The following ICE2 variants were observed in gnomAD, a reference collection of about 807,000 sequenced individuals.
ICE2 encodes little elongation complex subunit 2.
In ICE2, 87 loss-of-function variants were observed where a neutral mutation model predicts 105.4. That is an observed-to-expected ratio of 0.83 (90% CI 0.69 to 0.99). ICE2 has a LOEUF of 0.99. Ranked by LOEUF, ICE2 falls within the 50% of genes least tolerant of loss-of-function variation. The pLI is 0.00. For missense variants in ICE2, 1,323 were observed against 1,146.7 expected (o/e 1.15, Z -2.22); for synonymous variants, 399 against 392.0 (o/e 1.02, Z -0.21).
intron 6 of ICE2, 69 bp downstream of exon 6, chr15:60,456,580 TATATACAC>T (rs1168731477): frequency 1.7e-5 from 2 of 118,912 alleles, no homozygotes; most frequent in Non-Finnish European, 3.3e-5. Flanking sequence ...TATATATATA[TATATACAC>T]ACACACACAC....
chr15:60,443,737 A>C (rs2063767231), intron 11 of ICE2, among the ~76,000 whole-genome samples: 1 of 152,190 alleles, frequency 6.6e-6, no homozygotes, highest in Non-Finnish European at 1.5e-5. Context: ...TAATTTTGCA[A>C]ATGGTTATCT....
At chr15:60,452,786 C>T (rs1004324772) in intron 9 of ICE2, 3 of 847,134 alleles carry the variant, frequency 3.5e-6, no homozygotes, top group Non-Finnish European at 1.4e-6. Flanking sequence ...ATCATGATGC[C>T]CATTTTACAG....
At chr15:60,466,780 T>A (rs2064443801) in intron 4 of ICE2, 67 bp from the exon 5 acceptor site, 5 of 1,280,584 alleles carry the variant, frequency 3.9e-6, no homozygotes, top group Non-Finnish European at 5.5e-6. Context: ...ACATTCTTAA[T>A]CATTGCTATA....
At position 60,423,486 on chromosome 15, in the gene ICE2, C is replaced by T; in HGVS notation, c.*148G>A. On this transcript the variant is annotated 3_prime_UTR_variant, in exon 16 of 16. Transcript: ENST00000261520. Reference sequence around the variant, plus strand: ...CCATTCCATTTTAGTTGAAATATTCCTTCACATAGCCAACACATTTTTTCA... The same window carrying T: ...CCATTCCATTTTAGTTGAAATATTCTTTCACATAGCCAACACATTTTTTCA... The T allele has an allele frequency of 1.7e-6, 1 of 602,040 alleles. No homozygotes were observed. 37.3% of individuals were successfully genotyped at this position (602,040 alleles called of 1,614,324 possible). A position where few individuals can be genotyped will look rare whatever the true frequency, so the allele number is the denominator to read the frequency against.
chr15:60,454,727 G>A, intron 8 of ICE2: 1 of 299,276 alleles, frequency 3.3e-6, no homozygotes. Flanking sequence ...GGGGATACAT[G>A]TGGAGAATGG....
intron 4 of ICE2, 90 bp downstream of exon 4, chr15:60,467,971 C>A (rs116704803): frequency 8.4e-6 from 10 of 1,183,870 alleles, no homozygotes; most frequent in Non-Finnish European, 1.1e-5. Context: ...AAAAAAATGA[C>A]GGGACCTAAA....
At chr15:60,440,285 C>T (rs1323993280) in intron 12 of ICE2, 2 of 152,152 alleles carry the variant, frequency 1.3e-5, no homozygotes, top group Non-Finnish European at 2.9e-5. Context: ...AAAACTTGTG[C>T]TTATTGAAAC....
chr15:60,461,110 G>C (rs577781568), intron 5 of ICE2, among the ~76,000 whole-genome samples: 1 of 151,970 alleles, frequency 6.6e-6, no homozygotes, highest in South Asian at 2.1e-4. Context: ...GGGTGGGGTG[G>C]GGGGGCGAGT....
At chr15:60,431,319 AAATT>A (rs906450002) in intron 14 of ICE2, among the ~76,000 whole-genome samples, 7 of 152,196 alleles carry the variant, frequency 4.6e-5, no homozygotes, top group African/African-American at 1.7e-4. Flanking sequence ...AGGTGTGATT[AAATT>A]AAGGATTTTG....
chr15:60,442,661 C>A, intron 11 of ICE2, 116 bp from the exon 12 acceptor site: 1 of 736,682 alleles, frequency 1.4e-6, no homozygotes, highest in South Asian at 2.0e-5. Context: ...TTATTTCATC[C>A]TTTCAATTAC....
chr15:60,437,111 C>T (rs1158187468), intron 12 of ICE2, among the ~76,000 whole-genome samples: 1 of 151,696 alleles, frequency 6.6e-6, no homozygotes, highest in Non-Finnish European at 1.5e-5. Context: ...AAAAATTAGC[C>T]AGGCATGGTG....
At position 60,455,104 on chromosome 15, in the gene ICE2, G is replaced by A. The variant is rs757211598; in HGVS notation, c.842C>T (p.Ala281Val). ...GGTAAATAATGACTGACTAGTTAGAGCTATCTGAGGGTGATATCTGGAAAC... is the reference window on the plus strand; with the variant it reads ...GGTAAATAATGACTGACTAGTTAGAACTATCTGAGGGTGATATCTGGAAAC... ...KLVSRYHPQI[A>V]LTSQSLFTLL... Residue 281 changes from alanine to valine, a missense_variant, in exon 8 of 16, where the codon GCT becomes GTT. Coordinates refer to ENST00000261520, the MANE Select transcript of ICE2 (RefSeq NM_024611.6). 6.2e-7 allele frequency: 1 copy of A among 1,601,896 alleles called. No homozygotes were observed. The highest frequency in any genetic ancestry group is 8.5e-7 in the Non-Finnish European group (1 of 1,176,212).
In ICE2 at chr15:60,435,788, C is replaced by A. The variant is rs181150680; in HGVS notation, c.2510+355G>T. Among the ~76,000 whole-genome samples, 175 of 152,218 alleles carry A rather than the reference C, an allele frequency of 1.1e-3. 3 individuals carry two copies. Among genetic ancestry groups the A allele is most frequent in the African/African-American group, 4.0e-3 (165 of 41,552 alleles). On this transcript the variant is annotated intron_variant, in intron 13 of 15. Coordinates refer to ENST00000261520, the MANE Select transcript of ICE2 (RefSeq NM_024611.6). ...TCCAGGGGTTTGAGACCAGCCCAGG[C>A]AACATAGTGAAACCCCGTCTCCACA... is the stretch of plus-strand genomic sequence containing the variant.
intron 6 of ICE2, 92 bp downstream of exon 6, chr15:60,456,565 A>AT (rs55780504): frequency 2.2e-3 from 156 of 72,156 alleles, no homozygotes; most frequent in Middle Eastern, 9.5e-3. Flanking sequence ...ATAAATAAAT[A>AT]AATATATATA....
intron 5 of ICE2, among the ~76,000 whole-genome samples, chr15:60,459,439 C>T (rs952522882): frequency 2.0e-5 from 3 of 151,990 alleles, no homozygotes; most frequent in Non-Finnish European, 4.4e-5. Flanking sequence ...AAAATGAGAA[C>T]AAGAGAGATA....
chr15:60,445,012 G>A (rs150609576), intron 11 of ICE2, among the ~76,000 whole-genome samples: 33 of 152,252 alleles, frequency 2.2e-4, no homozygotes, highest in Middle Eastern at 3.4e-3. Flanking sequence ...CCCATCACTT[G>A]AGACTGGCTG....
chr15:60,435,205 C>T (rs542167731), intron 13 of ICE2, among the ~76,000 whole-genome samples: 4 of 151,934 alleles, frequency 2.6e-5, no homozygotes, highest in South Asian at 2.1e-4. Flanking sequence ...GGCATGAACC[C>T]GGGAGGCAGA....
intron 9 of ICE2, chr15:60,451,850 TA>T: frequency 5.3e-6 from 1 of 188,544 alleles, no homozygotes; most frequent in Non-Finnish European, 9.9e-6. Context: ...CTGGCACATA[TA>T]ATCCAAGGAA....
At chr15:60,467,948 G>A (rs1010814779) in intron 4 of ICE2, 113 bp downstream of exon 4, 6 of 985,192 alleles carry the variant, frequency 6.1e-6, no homozygotes, top group South Asian at 4.2e-5. Flanking sequence ...ATCTCCTTAC[G>A]TTTTCCATTT....
Sources: allele counts gnomAD v4.1 joint callset (sites outside exome capture counted in the v4.1 genomes callset), GRCh38; gene constraint gnomAD v4.1.1; transcripts MANE v1.5; gene names NCBI Gene and HGNC (gene_info 2026-07-23, HGNC 2026-07-21).